The following ANKFN1 variants were observed in gnomAD, a reference collection of about 807,000 sequenced individuals.
The protein encoded by ANKFN1 is ankyrin repeat and fibronectin type-III domain-containing protein 1.
A neutral mutation model predicts 108.7 loss-of-function variants in ANKFN1; 74 were observed. The observed-to-expected ratio is 0.68, with a 90% CI of 0.56 to 0.83. The LOEUF (loss-of-function observed/expected upper bound fraction) is 0.83. ANKFN1 is among the 40% of genes least tolerant of loss of function. The pLI is 0.00. For synonymous variants in ANKFN1, 547 were observed against 516.2 expected (o/e 1.06, Z -0.81); for missense variants, 1,505 against 1,382.3 (o/e 1.09, Z -1.41).
chr17:56,422,421 C>T (rs1185688870), intron 8 of ANKFN1, among the ~76,000 whole-genome samples: 1 of 151,996 alleles, frequency 6.6e-6, no homozygotes, highest in Non-Finnish European at 1.5e-5. Flanking sequence ...GCCAAACCCC[C>T]ACCCCTGCTG....
chr17:56,160,277 G>T (rs1909526604), intron 1 of ANKFN1, among the ~76,000 whole-genome samples: 1 of 152,190 alleles, frequency 6.6e-6, no homozygotes, highest in South Asian at 2.1e-4. Flanking sequence ...CCTCCCCTAG[G>T]AATTGGTGTA....
intron 8 of ANKFN1, among the ~76,000 whole-genome samples, chr17:56,378,082 T>C (rs1221513779): frequency 6.6e-6 from 1 of 152,212 alleles, no homozygotes; most frequent in Non-Finnish European, 1.5e-5. Flanking sequence ...GATGACATTT[T>C]TTAAAATTAA....
rs138363039 is a variant in ANKFN1 at position 56,171,164 on chromosome 17, G to A, written c.-71+17634G>A. On this transcript the variant is annotated intron_variant, in intron 1 of 20. Coordinates refer to ENST00000682825, the MANE Select transcript of ANKFN1 (RefSeq NM_001370326.1). ...GGAAATGGCCTCAGGGCTTCACTAG[G>A]AACCCTCCATTTGAAGGTGGAAGTA... Among the ~76,000 whole-genome samples the A allele has an allele frequency of 1.3e-3, 193 of 152,064 alleles. 1 individual carries two copies. Among genetic ancestry groups the A allele is most frequent in the Non-Finnish European group, 2.3e-3 (156 of 67,990 alleles).
At chr17:56,429,426 A>T (rs12103566) in intron 8 of ANKFN1, among the ~76,000 whole-genome samples, 13,775 of 152,314 alleles carry the variant, frequency 0.09, 738 homozygotes, top group African/African-American at 0.16. Context: ...TATGGTCTCT[A>T]TGCCAACTAT....
At chr17:56,203,533 C>A (rs1287694846) in intron 1 of ANKFN1, among the ~76,000 whole-genome samples, 2 of 152,228 alleles carry the variant, frequency 1.3e-5, no homozygotes, top group African/African-American at 4.8e-5. Context: ...TAAAACATGA[C>A]CTCAGGGACT....
At chr17:56,209,170 C>T (rs553966957) in intron 1 of ANKFN1, among the ~76,000 whole-genome samples, 71 of 152,266 alleles carry the variant, frequency 4.7e-4, no homozygotes, top group African/African-American at 1.5e-3. Context: ...TCCACCGGCT[C>T]GTGTTCTAAA....
At chr17:56,479,215 C>G (rs1251098015) in intron 16 of ANKFN1, among the ~76,000 whole-genome samples, 1 of 152,182 alleles carries the variant, frequency 6.6e-6, no homozygotes, top group Admixed American at 6.5e-5. Context: ...ATTCCAGTAG[C>G]CTTTTCTCTG....
chr17:56,178,297 T>TA (rs1408444784), intron 1 of ANKFN1, among the ~76,000 whole-genome samples: 18 of 152,168 alleles, frequency 1.2e-4, no homozygotes, highest in Non-Finnish European at 2.6e-4. Flanking sequence ...AAATTTAAAA[T>TA]AGTTATTTGG....
At chr17:56,487,020 A>C (rs978813406) in intron 18 of ANKFN1, among the ~76,000 whole-genome samples, 1 of 152,198 alleles carries the variant, frequency 6.6e-6, no homozygotes, top group African/African-American at 2.4e-5. Flanking sequence ...AGACAAAATG[A>C]TAAAGGAGCT....
At chr17:56,257,009 TA>T (rs1257174831) in intron 3 of ANKFN1, among the ~76,000 whole-genome samples, 10 of 152,248 alleles carry the variant, frequency 6.6e-5, no homozygotes, top group African/African-American at 2.4e-4. Context: ...TATCACTCGC[TA>T]TCCTGGTGAC....
At chr17:56,504,683 AT>A (rs375876023) in intron 20 of ANKFN1, among the ~76,000 whole-genome samples, 15 of 151,646 alleles carry the variant, frequency 9.9e-5, no homozygotes, top group African/African-American at 3.1e-4. Context: ...TGAGGCAGAG[AT>A]TTACTCTGTT....
At chr17:56,253,544 C>T (rs1305218951) in intron 3 of ANKFN1, among the ~76,000 whole-genome samples, 4 of 152,096 alleles carry the variant, frequency 2.6e-5, no homozygotes, top group Non-Finnish European at 5.9e-5. Context: ...TTGAGACCAA[C>T]CTGGCCAATA....
At chr17:56,440,513 C>A in intron 9 of ANKFN1, 89 bp downstream of exon 9, 3 of 1,015,754 alleles carry the variant, frequency 3.0e-6, no homozygotes, top group Non-Finnish European at 4.5e-6. Flanking sequence ...AAAGCAACAG[C>A]CAACGCCCAG....
chr17:56,068,547 C>T (rs999639796), intron 4 of ANKFN1, among the ~76,000 whole-genome samples: 2 of 152,160 alleles, frequency 1.3e-5, no homozygotes, highest in African/African-American at 4.8e-5. Context: ...CCATAGAGCT[C>T]ACCAGCCCCA....
At chr17:56,235,850 T>C (rs1337554722) in intron 3 of ANKFN1, among the ~76,000 whole-genome samples, 1 of 152,130 alleles carries the variant, frequency 6.6e-6, no homozygotes, top group Non-Finnish European at 1.5e-5. Flanking sequence ...CTTTTTTGGT[T>C]CCATATGAAT....
At chr17:56,152,927 A>G (rs2143448064), upstream of ANKFN1, among the ~76,000 whole-genome samples, 1 of 152,344 alleles carries the variant, frequency 6.6e-6, no homozygotes, top group Non-Finnish European at 1.5e-5. Flanking sequence ...TCTCCCCTCC[A>G]GTTCCCACCA....
rs1907506283 is a variant in ANKFN1, at chr17:56,134,899, C to G, written c.288+88574C>G. ...ATGTTGGTTTTATTATTTTTTTCTTCTGATGTGTTGTCCTGATGGACTCTT... is the reference window on the plus strand; with the variant it reads ...ATGTTGGTTTTATTATTTTTTTCTTGTGATGTGTTGTCCTGATGGACTCTT... On this transcript the variant is annotated intron_variant, in intron 4 of 12. Coordinates refer to the ANKFN1 transcript ENST00000635860. Among the ~76,000 whole-genome samples the G allele has an allele frequency of 5.3e-5, 8 of 152,064 alleles. No individual in the cohort carries two copies. The South Asian group carries it at 1.5e-3, about 28-fold the overall frequency.
intron 11 of ANKFN1, among the ~76,000 whole-genome samples, chr17:56,455,178 G>T (rs1452493311): frequency 6.6e-6 from 1 of 152,082 alleles, no homozygotes; most frequent in Non-Finnish European, 1.5e-5. Context: ...CAGCTACTGA[G>T]ATTTGCTTAC....
intron 1 of ANKFN1, among the ~76,000 whole-genome samples, chr17:56,210,324 A>C (rs1417754881): frequency 1.3e-5 from 2 of 152,170 alleles, no homozygotes; most frequent in Admixed American, 1.3e-4. Context: ...ACACTTTTCC[A>C]TGGTGATTGC....
Sources: gnomAD v4.1 joint callset for allele counts (sites outside exome capture counted in the v4.1 genomes callset) on GRCh38, gnomAD v4.1.1 for gene constraint, MANE v1.5 for transcripts, NCBI Gene and HGNC (gene_info 2026-07-23, HGNC 2026-07-21) for gene names.